The following ZYG11B variants were observed in gnomAD, a reference collection of about 807,000 sequenced individuals.
The protein encoded by ZYG11B is protein zyg-11 homolog B.
Under a neutral mutation model 82.4 loss-of-function variants are expected in ZYG11B, and 36 were observed. The ratio of observed to expected loss-of-function variants is 0.44; its 90% CI spans 0.33 to 0.58. ZYG11B has a LOEUF of 0.58. Among genes scored for constraint, ZYG11B ranks in the 20% least tolerant of loss-of-function variants. The pLI, the probability that ZYG11B is intolerant of heterozygous loss-of-function variation, is 0.02. For missense variants in ZYG11B, 552 were observed against 895.6 expected (o/e 0.62, Z 4.90); for synonymous variants, 303 against 312.8 (o/e 0.97, Z 0.33).
At chr1:52,803,139 CATATATATATAT>C (rs1321965313) in intron 10 of ZYG11B, among the ~76,000 whole-genome samples, 1 of 44,102 alleles carries the variant, frequency 2.3e-5, no homozygotes, top group African/African-American at 1.3e-4. Context: ...TATATACACA[CATATATATATAT>C]ATACACATAT....
intron 1 of ZYG11B, among the ~76,000 whole-genome samples, chr1:52,744,581 G>C (rs571735051): frequency 1.3e-5 from 2 of 152,304 alleles, no homozygotes; most frequent in Admixed American, 6.5e-5. Context: ...GCTAGCTCAC[G>C]CCTGTAATCC....
At position 52,822,665 on chromosome 1, in the gene ZYG11B, TAGAG is replaced by T. The variant is rs1258873133; in HGVS notation, c.*1038_*1041del. On this transcript the variant is annotated 3_prime_UTR_variant, in exon 14 of 14. Coordinates refer to ENST00000294353, the MANE Select transcript of ZYG11B (RefSeq NM_024646.3). The stretch of plus-strand genomic sequence containing the variant: ...GTGTATCTTCTTAATGTGTTCATGT[TAGAG>T]AAAGTGTCCCCATCTCACTGCCAAA... The T allele has an allele frequency of 5.9e-5, 9 of 152,214 alleles. No individual in the cohort carries two copies. Among genetic ancestry groups the T allele is most frequent in the African/African-American group, 2.2e-4 (9 of 41,460 alleles). The allele number at this position is 152,214 out of a possible 1,614,324, so 9.4% of individuals were successfully genotyped here.
chr1:52,816,990 C>T (rs1034374203), intron 13 of ZYG11B, among the ~76,000 whole-genome samples: 7 of 151,628 alleles, frequency 4.6e-5, no homozygotes, highest in African/African-American at 7.3e-5. Flanking sequence ...TTAGTAGAGA[C>T]GGGGTTTCAC....
Position 52,738,673 on chromosome 1 carries a change from G to C in ZYG11B, c.30+11990G>C, listed in dbSNP as rs371822467. On this transcript the variant is annotated intron_variant, in intron 1 of 13. Transcript: ENST00000294353. Reference sequence around the variant, plus strand: ...GGCTGGAGTGCAATGGTGTGATCTTGGCTCACCGCAACCACTGCCTCCCCA... The same window carrying C: ...GGCTGGAGTGCAATGGTGTGATCTTCGCTCACCGCAACCACTGCCTCCCCA... 2.8e-4 allele frequency among the ~76,000 whole-genome samples: 41 copies of C among 147,276 alleles called. 2 individuals are homozygous for C. The South Asian group carries it at 7.9e-3, about 28-fold the overall frequency.
At chr1:52,760,233 A>G (rs1644616013) in intron 2 of ZYG11B, among the ~76,000 whole-genome samples, 1 of 151,966 alleles carries the variant, frequency 6.6e-6, no homozygotes, top group Admixed American at 6.6e-5. Flanking sequence ...GCCTGAGGTC[A>G]GGAGTTTGAG....
At chr1:52,734,239 C>T (rs1219829972) in intron 1 of ZYG11B, among the ~76,000 whole-genome samples, 4 of 151,982 alleles carry the variant, frequency 2.6e-5, no homozygotes. Flanking sequence ...CTCAAGTGAT[C>T]CTACTGCCTC....
rs768353704 is a variant in ZYG11B, at chr1:52,771,531, C to CA, written c.711dup (p.His238ThrfsTer6). On this transcript the variant is annotated frameshift_variant, in exon 3 of 14. Coordinates refer to ENST00000294353, the MANE Select transcript of ZYG11B (RefSeq NM_024646.3). LOFTEE classifies it high-confidence loss of function. This position sits in a 1 kb window ranked among gnomAD's most constrained non-coding sequence, Gnocchi z 5.4. ...AGATACTGGATGTAGTTCGGGAACT[C>CA]AAACATCTGAATCATCTTGATATCT... 1 of 1,613,942 alleles carries CA rather than the reference C, an allele frequency of 6.2e-7. No homozygotes were observed. Among genetic ancestry groups the CA allele is most frequent in the Non-Finnish European group, 8.5e-7 (1 of 1,180,004 alleles).
chr1:52,762,090 A>C (rs1446725023), intron 2 of ZYG11B, among the ~76,000 whole-genome samples: 2 of 151,016 alleles, frequency 1.3e-5, no homozygotes, highest in South Asian at 4.2e-4. Context: ...ATAATCTACA[A>C]ATATTTTCTC....
intron 1 of ZYG11B, among the ~76,000 whole-genome samples, chr1:52,743,821 C>T (rs980866723): frequency 6.6e-6 from 1 of 152,140 alleles, no homozygotes; most frequent in African/African-American, 2.4e-5. Flanking sequence ...ATCACTGATT[C>T]AACTGATATA....
At chr1:52,749,062 G>A (rs557750799) in intron 1 of ZYG11B, among the ~76,000 whole-genome samples, 1 of 151,994 alleles carries the variant, frequency 6.6e-6, no homozygotes, top group Admixed American at 6.6e-5. Context: ...AATTAGTTAA[G>A]TGTGGTGCCG....
rs1644815100 is a variant in ZYG11B, at chr1:52,776,874, A to G, written c.952-2979A>G. Among the ~76,000 whole-genome samples the G allele has an allele frequency of 1.3e-5, 2 of 152,158 alleles. 1 individual carries two copies. The highest frequency in any genetic ancestry group is 4.8e-5 in the African/African-American group (2 of 41,458). Reference sequence around the variant, plus strand: ...GTAGTCCAAACCAGTTTGTGTATGTATGTTATACATAAATAGAAAGTTTAA... The same window carrying G: ...GTAGTCCAAACCAGTTTGTGTATGTGTGTTATACATAAATAGAAAGTTTAA... On this transcript the variant is annotated intron_variant, in intron 3 of 13. Transcript: ENST00000294353.
chr1:52,773,285 C>T (rs1404878912), intron 3 of ZYG11B, among the ~76,000 whole-genome samples: 1 of 151,528 alleles, frequency 6.6e-6, no homozygotes, highest in Non-Finnish European at 1.5e-5. Context: ...ACCAGCTTGG[C>T]CAACATGGTG....
intron 10 of ZYG11B, among the ~76,000 whole-genome samples, chr1:52,811,248 G>C (rs1460434752): frequency 6.6e-6 from 1 of 151,884 alleles, no homozygotes; most frequent in Admixed American, 6.6e-5. Context: ...TTTTTCTGTT[G>C]AATCTTTGGG....
chr1:52,742,782 C>CA lies in ZYG11B; in HGVS notation c.31-13675dup, dbSNP rs1644441731. On this transcript the variant is annotated intron_variant, in intron 1 of 13. Transcript: ENST00000294353. The stretch of plus-strand genomic sequence containing the variant: ...GCCTGAAGCCGGGAGGCGGAGCTTG[C>CA]AGTGAGCCGAGATCGTGCCACTGCA... 1.9e-4 allele frequency among the ~76,000 whole-genome samples: 29 copies of CA among 150,632 alleles called. No homozygotes were observed. The South Asian group carries it at 6.1e-3, about 31-fold the overall frequency.
chr1:52,817,807 ATATATATATTTTTTTT>A (rs1645245832), intron 13 of ZYG11B, among the ~76,000 whole-genome samples: 2 of 39,556 alleles, frequency 5.1e-5, no homozygotes, highest in African/African-American at 2.3e-4. Flanking sequence ...ATATATATAT[ATATATATATTTTTTTT>A]TTTTTTTTTT....
Position 52,771,450 on chromosome 1 carries a change from C to A in ZYG11B, c.627C>A (p.Asp209Glu). Residue 209 changes from aspartate to glutamate, a missense_variant, in exon 3 of 14, where the codon GAC becomes GAA. By Grantham distance (45) the Asp-to-Glu change is conservative. Around this residue, in one of 3 missense-constraint regions of ZYG11B, gnomAD observed 359 missense variants for 555.8 expected, o/e 0.65. Transcript: ENST00000294353. The surrounding 1 kb of genome is among the most constrained non-coding windows in gnomAD (Gnocchi z 5.4). Reference protein sequence around the residue: ...TDITALLACKDRLKSLTMHHL... With the variant: ...TDITALLACKERLKSLTMHHL... ...TCACTGCTCTACTGGCCTGCAAAGACCGACTCAAGTCTCTAACCATGCACC... is the reference window on the plus strand; with the variant it reads ...TCACTGCTCTACTGGCCTGCAAAGAACGACTCAAGTCTCTAACCATGCACC... 1 of 1,613,730 alleles carries A rather than the reference C, an allele frequency of 6.2e-7. No individual in the cohort carries two copies. Among genetic ancestry groups the A allele is most frequent in the Non-Finnish European group, 8.5e-7 (1 of 1,179,928 alleles).
intron 10 of ZYG11B, among the ~76,000 whole-genome samples, chr1:52,804,253 A>G (rs554796990): frequency 6.6e-6 from 1 of 152,266 alleles, no homozygotes; most frequent in East Asian, 1.9e-4. Flanking sequence ...CTCTTAAAAA[A>G]AAAAGTCATT....
At chr1:52,766,266 G>A (rs895665699) in intron 2 of ZYG11B, among the ~76,000 whole-genome samples, 2 of 151,676 alleles carry the variant, frequency 1.3e-5, no homozygotes, top group Non-Finnish European at 2.9e-5. Flanking sequence ...GACTACAGGC[G>A]TGTGCCACCA....
chr1:52,740,037 G>A (rs1644411406), intron 1 of ZYG11B, among the ~76,000 whole-genome samples: 1 of 152,210 alleles, frequency 6.6e-6, no homozygotes, highest in South Asian at 2.1e-4. Flanking sequence ...AGGTCACACA[G>A]CTAGTAAGTA....
Sources: allele counts gnomAD v4.1 joint callset (sites outside exome capture counted in the v4.1 genomes callset), GRCh38; gene constraint gnomAD v4.1.1; regional missense constraint gnomAD v4.1.1; non-coding constraint Gnocchi (gnomAD v3.1); transcripts MANE v1.5; gene names NCBI Gene and HGNC (gene_info 2026-07-23, HGNC 2026-07-21).